The following SOS2 variants were observed in gnomAD, a reference collection of about 807,000 sequenced individuals.
SOS2 encodes SOS Ras/Rho guanine nucleotide exchange factor 2.
In SOS2, 65 loss-of-function variants were observed where a neutral mutation model predicts 148.2. The observed-to-expected ratio is 0.44, with a 90% CI of 0.36 to 0.54. The LOEUF is 0.54. Among genes scored for constraint, SOS2 ranks in the 20% least tolerant of loss-of-function variants. The pLI is 0.00. For synonymous variants in SOS2, 539 were observed against 537.1 expected (o/e 1.00, Z -0.05); for missense variants, 1,341 against 1,590.2 (o/e 0.84, Z 2.67).
At chr14:50,120,250 G>A (rs1883458400) in intron 22 of SOS2, 25 bp downstream of exon 22, 1 of 1,018,440 alleles carries the variant, frequency 9.8e-7, no homozygotes, top group Non-Finnish European at 1.5e-6. Flanking sequence ...CTTTGAATAA[G>A]TTGGAGTAAA....
intron 1 of SOS2, among the ~76,000 whole-genome samples, chr14:50,210,397 G>A (rs750856525): frequency 3.3e-5 from 5 of 152,096 alleles, no homozygotes; most frequent in Non-Finnish European, 7.4e-5. Context: ...AATCCTAGCT[G>A]CATGTTAGGC....
At chr14:50,155,376 A>T (rs1884780105) in intron 12 of SOS2, among the ~76,000 whole-genome samples, 1 of 152,048 alleles carries the variant, frequency 6.6e-6, no homozygotes, top group South Asian at 2.1e-4. Context: ...CAATGTCCTT[A>T]TCTGTGTCCT....
intron 1 of SOS2, among the ~76,000 whole-genome samples, chr14:50,219,968 C>T (rs1040245569): frequency 5.9e-5 from 9 of 151,972 alleles, no homozygotes; most frequent in African/African-American, 1.2e-4. Context: ...GATCCTTCCA[C>T]CTCAGCCTCC....
In SOS2 at chr14:50,118,002, A is replaced by C. The variant is rs1422360675; in HGVS notation, c.*342T>G. 5.2e-6 allele frequency: 1 copy of C among 190,718 alleles called. No individual in the cohort carries two copies. Among genetic ancestry groups the C allele is most frequent in the African/African-American group, 2.3e-5 (1 of 42,628 alleles). 11.8% of individuals were successfully genotyped at this position (190,718 alleles called of 1,614,324 possible). A position where few individuals can be genotyped will look rare whatever the true frequency, so the allele number is the denominator to read the frequency against. ...TGCCTTAAAAAGGCATCTATTACTC[A>C]AATTTGAAAAATTTCACAAAAGCAC... On this transcript the variant is annotated 3_prime_UTR_variant, in exon 23 of 23. Transcript: ENST00000216373.
chr14:50,209,319 G>GTGTGTGTGTGTGTGTGTGTGTC (rs1566481183), intron 1 of SOS2, among the ~76,000 whole-genome samples: 1 of 139,398 alleles, frequency 7.2e-6, no homozygotes, highest in African/African-American at 2.8e-5. Flanking sequence ...GTGTGTGTGT[G>GTGTGTGTGTGTGTGTGTGTGTC]TGTCTCCTAT....
At chr14:50,127,393 C>T (rs756299692) in intron 21 of SOS2, among the ~76,000 whole-genome samples, 14 of 152,112 alleles carry the variant, frequency 9.2e-5, no homozygotes, top group Admixed American at 3.3e-4. Context: ...CTGTCTGCCT[C>T]GGTCTCCCAA....
upstream of SOS2, among the ~76,000 whole-genome samples, chr14:50,231,724 CCCGCCCTCCCAGCCGACAGCG>C (rs1887558479): frequency 6.6e-6 from 1 of 152,044 alleles, no homozygotes; most frequent in African/African-American, 2.4e-5. Flanking sequence ...TCGCCTCCTC[CCCGCCCTCCCAGCCGACAGCG>C]CCGCCCGGCC....
intron 21 of SOS2, among the ~76,000 whole-genome samples, chr14:50,122,889 T>A (rs1389703495): frequency 1.3e-5 from 2 of 152,248 alleles, no homozygotes; most frequent in East Asian, 3.8e-4. Flanking sequence ...CATTCATTCA[T>A]TCATTCAACA....
chr14:50,170,071 A>G (rs1237808179), intron 8 of SOS2, among the ~76,000 whole-genome samples: 2 of 150,660 alleles, frequency 1.3e-5, no homozygotes, highest in African/African-American at 2.4e-5. Context: ...GACCACAGGC[A>G]TGCACCACTA....
intron 8 of SOS2, among the ~76,000 whole-genome samples, chr14:50,171,605 A>G (rs1406424446): frequency 2.1e-5 from 3 of 145,458 alleles, no homozygotes; most frequent in Admixed American, 7.2e-5. Context: ...AACTGCTTGA[A>G]CCCAGGGGGC....
chr14:50,171,748 A>G (rs1229219408), intron 8 of SOS2, among the ~76,000 whole-genome samples: 3 of 152,066 alleles, frequency 2.0e-5, no homozygotes, highest in Non-Finnish European at 2.9e-5. Context: ...TAAATAAAAT[A>G]TGGTATAACA....
chr14:50,204,260 T>C (rs755321034), intron 2 of SOS2, 24 bp downstream of exon 2: 2 of 1,527,458 alleles, frequency 1.3e-6, no homozygotes, highest in East Asian at 4.6e-5. Context: ...GAGTGACTTT[T>C]TGAAATGACA....
chr14:50,224,310 T>C (rs1405145776), intron 1 of SOS2, among the ~76,000 whole-genome samples: 105 of 62,002 alleles, frequency 1.7e-3, no homozygotes, highest in African/African-American at 5.7e-3. Context: ...AAAAAATATA[T>C]ATATACACAC....
At chr14:50,130,081 C>T (rs1311280131) in intron 20 of SOS2, 79 bp from the exon 21 acceptor site, 15 of 861,812 alleles carry the variant, frequency 1.7e-5, no homozygotes, top group Admixed American at 4.6e-5. Context: ...ATAAATAATA[C>T]GTAATACACA....
chr14:50,130,516 G>A lies in SOS2; in HGVS notation c.3322C>T (p.Leu1108Phe). 1 of 1,613,796 alleles carries A rather than the reference G, an allele frequency of 6.2e-7. No homozygotes were observed. Reference sequence around the variant, plus strand: ...AAATACTTACCACAGGAGCTGTTGAGATCCACATCTAAAAATACACTAAGG... The same window carrying A: ...AAATACTTACCACAGGAGCTGTTGAAATCCACATCTAAAAATACACTAAGG... ...SDLSVFLDVD[L>F]NSSCGSNSIF... The change falls in exon 20 of 23, where the codon CTC becomes TTC. Residue 1108 changes from leucine to phenylalanine, a missense_variant. This residue lies in a region of SOS2 where 354 missense variants were observed against 347.7 expected (regional missense o/e 1.02). Transcript: ENST00000216373.
chr14:50,230,995 T>C, intron 1 of SOS2: 3 of 816,930 alleles, frequency 3.7e-6, no homozygotes, highest in Non-Finnish European at 4.8e-6. Context: ...TAACAAAACC[T>C]TCCTTCCGGG....
intron 22 of SOS2, among the ~76,000 whole-genome samples, chr14:50,119,337 G>C (rs927398966): frequency 1.3e-5 from 2 of 152,130 alleles, no homozygotes; most frequent in African/African-American, 4.8e-5. Context: ...CCCCATCCTA[G>C]ACTACTGAAT....
chr14:50,182,498 G>A lies in SOS2; in HGVS notation c.823C>T (p.Pro275Ser). ...TCTTCAAAACAGCTGCCAGCTAAGG[G>A]ATGAGGACTGCTTTCATCAGTCATT... The part of the protein sequence containing the change: ...VEMTDESSPH[P>S]LAGSCFEDLA... The change falls in exon 6 of 23, where the codon CCC becomes TCC. Residue 275 changes from proline to serine, a missense_variant. By Grantham distance (74) the Pro-to-Ser change is moderately conservative (BLOSUM62 -1). Transcript: ENST00000216373. The A allele has an allele frequency of 6.2e-7, 1 of 1,613,978 alleles. No individual in the cohort carries two copies. The highest frequency in any genetic ancestry group is 8.5e-7 in the Non-Finnish European group (1 of 1,179,884).
chr14:50,222,440 T>C (rs1232102920), intron 1 of SOS2, among the ~76,000 whole-genome samples: 2 of 152,162 alleles, frequency 1.3e-5, no homozygotes, highest in African/African-American at 2.4e-5. Context: ...ATCATTTATA[T>C]TGGAGATACA....
Sources: gnomAD v4.1 joint callset for allele counts (sites outside exome capture counted in the v4.1 genomes callset) on GRCh38, gnomAD v4.1.1 for gene constraint, gnomAD v4.1.1 regional missense constraint, MANE v1.5 for transcripts, NCBI Gene and HGNC (gene_info 2026-07-23, HGNC 2026-07-21) for gene names.